CSMD1: variants seen among roughly 807,000 people sequenced by gnomAD.
CSMD1 encodes the protein CUB and Sushi multiple domains 1, also known as CUB and sushi domain-containing protein 1.
In CSMD1, 213 loss-of-function variants were observed where a neutral mutation model predicts 417.5. The ratio of observed to expected loss-of-function variants is 0.51; its 90% CI spans 0.46 to 0.57. The LOEUF (loss-of-function observed/expected upper bound fraction) is 0.57. Ranked by LOEUF, CSMD1 falls within the 20% of genes least tolerant of loss-of-function variation. The pLI, the probability that CSMD1 is intolerant of heterozygous loss-of-function variation, is 0.00. For missense variants in CSMD1, 6,923 were observed against 4,529.7 expected (o/e 1.53, Z -15.17); for synonymous variants, 2,862 against 1,736.8 (o/e 1.65, Z -16.11).
chr8:3,975,180 T>G (rs10448105), intron 5 of CSMD1, among the ~76,000 whole-genome samples: 41,272 of 152,126 alleles, frequency 0.27, 5,878 homozygotes, highest in East Asian at 0.4. Context: ...TGATTTTCAT[T>G]CAGCATCCTG....
intron 1 of CSMD1, among the ~76,000 whole-genome samples, chr8:4,946,666 G>A (rs1026990874): frequency 2.6e-5 from 4 of 152,146 alleles, no homozygotes; most frequent in Non-Finnish European, 5.9e-5. Flanking sequence ...TAAAAATGAA[G>A]CAATGTGGTA....
intron 1 of CSMD1, among the ~76,000 whole-genome samples, chr8:4,884,596 T>C (rs914905028): frequency 4.6e-5 from 7 of 152,072 alleles, no homozygotes; most frequent in African/African-American, 1.2e-4. Flanking sequence ...CATTTGAATA[T>C]CTAGTTGTTC....
At chr8:4,091,877 G>T (rs139252613) in intron 3 of CSMD1, among the ~76,000 whole-genome samples, 4 of 152,236 alleles carry the variant, frequency 2.6e-5, no homozygotes, top group South Asian at 2.1e-4. Context: ...ATTAGACTCC[G>T]CATTGTAAGA....
At position 4,109,001 on chromosome 8, in the gene CSMD1, G is replaced by C. The variant is rs561972079; in HGVS notation, c.416-76902C>G. On this transcript the variant is annotated intron_variant, in intron 3 of 69. Coordinates refer to ENST00000635120, the MANE Select transcript of CSMD1 (RefSeq NM_033225.6). The stretch of plus-strand genomic sequence containing the variant: ...TTTCCGAATTATCTGGAAAGGATTG[G>C]TTTCAGGACCTCCATGGATACAAAT... 1.9e-4 allele frequency among the ~76,000 whole-genome samples: 29 copies of C among 152,228 alleles called. 2 individuals are homozygous for C. The highest frequency in any genetic ancestry group is 6.5e-4 in the African/African-American group (27 of 41,542).
intron 3 of CSMD1, among the ~76,000 whole-genome samples, chr8:4,078,837 A>T (rs1451996733): frequency 1.4e-5 from 2 of 147,162 alleles, no homozygotes; most frequent in African/African-American, 5.1e-5. Flanking sequence ...GGAGTTCAAG[A>T]TTATGTTGGC....
At chr8:4,480,659 A>G (rs981925363) in intron 2 of CSMD1, among the ~76,000 whole-genome samples, 1 of 152,242 alleles carries the variant, frequency 6.6e-6, no homozygotes, top group Non-Finnish European at 1.5e-5. Context: ...GCTTGCATTT[A>G]CTAACTCCCT....
intron 3 of CSMD1, among the ~76,000 whole-genome samples, chr8:4,242,189 C>A (rs971663186): frequency 2.0e-5 from 3 of 152,050 alleles, no homozygotes; most frequent in Non-Finnish European, 4.4e-5. Flanking sequence ...ATATTAAAAA[C>A]TTTAAATAAA....
chr8:3,121,254 C>G (rs183197980), intron 41 of CSMD1, among the ~76,000 whole-genome samples: 1 of 152,262 alleles, frequency 6.6e-6, no homozygotes, highest in East Asian at 1.9e-4. Flanking sequence ...TGACTATAGT[C>G]AGCAGGTTAA....
intron 12 of CSMD1, among the ~76,000 whole-genome samples, chr8:3,456,833 G>A (rs145829428): frequency 3.3e-4 from 50 of 152,172 alleles, no homozygotes; most frequent in African/African-American, 1.1e-3. Context: ...AGAACAAACT[G>A]GATGCAGAAC....
chr8:4,469,944 T>G (rs1048588210), intron 2 of CSMD1, among the ~76,000 whole-genome samples: 1 of 150,618 alleles, frequency 6.6e-6, no homozygotes, highest in South Asian at 2.1e-4. Context: ...CTCGGCTCAC[T>G]GCAAGCTCCA....
At chr8:3,836,347 G>A (rs574608164) in intron 5 of CSMD1, among the ~76,000 whole-genome samples, 3 of 152,230 alleles carry the variant, frequency 2.0e-5, no homozygotes, top group East Asian at 1.9e-4. Flanking sequence ...GATCTATGAG[G>A]AACTAGCTAT....
intron 2 of CSMD1, among the ~76,000 whole-genome samples, chr8:4,635,974 G>T (rs560492626): frequency 6.6e-6 from 1 of 151,610 alleles, no homozygotes; most frequent in Non-Finnish European, 1.5e-5. Context: ...TTTGAAAGTG[G>T]GTGAAAAAAT....
intron 10 of CSMD1, among the ~76,000 whole-genome samples, chr8:3,524,325 A>C (rs911310593): frequency 2.0e-5 from 3 of 151,590 alleles, no homozygotes; most frequent in African/African-American, 4.9e-5. Flanking sequence ...GCACACATAA[A>C]CATGCACACA....
At chr8:4,504,478 T>C (rs1430767797) in intron 2 of CSMD1, among the ~76,000 whole-genome samples, 1 of 152,158 alleles carries the variant, frequency 6.6e-6, no homozygotes, top group African/African-American at 2.4e-5. Flanking sequence ...ATGTGAAGTG[T>C]TCTTTATTTA....
At chr8:4,943,248 C>A (rs1158014205) in intron 1 of CSMD1, among the ~76,000 whole-genome samples, 1 of 152,126 alleles carries the variant, frequency 6.6e-6, no homozygotes, top group Non-Finnish European at 1.5e-5. Context: ...GTAATCCCAG[C>A]ACTTTGGGCG....
chr8:4,023,458 G>GA (rs1796889088), intron 4 of CSMD1, among the ~76,000 whole-genome samples: 1 of 152,122 alleles, frequency 6.6e-6, no homozygotes, highest in Non-Finnish European at 1.5e-5. Context: ...ACTCTGGGTT[G>GA]AGTAGCATTA....
chr8:3,706,213 T>C (rs1801160654), intron 7 of CSMD1, among the ~76,000 whole-genome samples: 1 of 152,230 alleles, frequency 6.6e-6, no homozygotes, highest in South Asian at 2.1e-4. Flanking sequence ...TTTACACCCC[T>C]CTTGATTTAT....
chr8:3,652,112 ACGC>A (rs1797887129), intron 7 of CSMD1, among the ~76,000 whole-genome samples: 1 of 100,208 alleles, frequency 1.0e-5, no homozygotes, highest in Admixed American at 9.5e-5. Flanking sequence ...CACCATCAGC[ACGC>A]TTACCATCAG....
intron 5 of CSMD1, among the ~76,000 whole-genome samples, chr8:3,849,108 G>C (rs1383405640): frequency 6.6e-6 from 1 of 152,054 alleles, no homozygotes; most frequent in African/African-American, 2.4e-5. Flanking sequence ...TTTTGTAACA[G>C]AAAGTTACAC....
Sources: gnomAD v4.1 joint callset for allele counts (sites outside exome capture counted in the v4.1 genomes callset) on GRCh38, gnomAD v4.1.1 for gene constraint, MANE v1.5 for transcripts, NCBI Gene and HGNC (gene_info 2026-07-23, HGNC 2026-07-21) for gene names.